SYNPO2: variants seen among roughly 807,000 people sequenced by gnomAD.
SYNPO2 encodes the protein synaptopodin 2.
Under a neutral mutation model 85.0 loss-of-function variants are expected in SYNPO2, and 56 were observed. The ratio of observed to expected loss-of-function variants is 0.66; its 90% CI spans 0.53 to 0.82. The LOEUF is 0.82. Ranked by LOEUF, SYNPO2 falls within the 40% of genes least tolerant of loss-of-function variation. The pLI, the probability that SYNPO2 is intolerant of heterozygous loss-of-function variation, is 0.00. For missense variants in SYNPO2, 1,575 were observed against 1,534.2 expected (o/e 1.03, Z -0.44); for synonymous variants, 602 against 591.1 (o/e 1.02, Z -0.27).
At chr4:118,867,881 C>T (rs75378402) in intron 1 of SYNPO2, among the ~76,000 whole-genome samples, 6,012 of 151,778 alleles carry the variant, frequency 0.04, 163 homozygotes, top group Middle Eastern at 0.23. Context: ...AAGATGAATT[C>T]GGAAAAAATG....
intron 1 of SYNPO2, among the ~76,000 whole-genome samples, chr4:118,934,866 T>C (rs769922842): frequency 6.6e-6 from 1 of 152,224 alleles, no homozygotes; most frequent in Admixed American, 6.5e-5. Context: ...AAAGCCTGTC[T>C]TATATTGAAC....
chr4:119,042,669 G>A (rs1242327895), intron 4 of SYNPO2: 2 of 151,984 alleles, frequency 1.3e-5, no homozygotes, highest in African/African-American at 4.8e-5. Flanking sequence ...CAATATTTTT[G>A]TTTAACTTTA....
chr4:119,031,776 G>C lies in SYNPO2; in HGVS notation c.3001G>C (p.Ala1001Pro), dbSNP rs759739029. 18 of 1,614,046 alleles carry C rather than the reference G, an allele frequency of 1.1e-5. No homozygotes were observed. The highest frequency in any genetic ancestry group is 1.5e-5 in the Non-Finnish European group (18 of 1,180,036). Residue 1001 changes from alanine (A) to proline (P), a missense_variant, in exon 4 of 5, where the codon GCC becomes CCC. By Grantham distance (27) the Ala-to-Pro change is conservative. This residue lies in a region of SYNPO2 where 1,508 missense variants were observed against 1,446.8 expected (regional missense o/e 1.04). Transcript: ENST00000307142. The part of the protein sequence containing the change: ...KSSVKVNSAL[A>P]MKQALPPRPV... ...ATCAGTCAAGGTCAATTCAGCCCTG[G>C]CCATGAAGCAAGCTCTTCCTCCCCG...
chr4:118,906,634 A>G (rs1381928104), intron 1 of SYNPO2, among the ~76,000 whole-genome samples: 2 of 152,086 alleles, frequency 1.3e-5, no homozygotes, highest in South Asian at 4.1e-4. Context: ...TTTATACAGT[A>G]TTGTTTGGGG....
intron 1 of SYNPO2, among the ~76,000 whole-genome samples, chr4:118,978,864 T>C (rs1219158296): frequency 6.6e-6 from 1 of 152,004 alleles, no homozygotes; most frequent in East Asian, 1.9e-4. Flanking sequence ...GCCTGTAACC[T>C]TTTTATGTAT....
intron 4 of SYNPO2, among the ~76,000 whole-genome samples, chr4:119,050,406 A>G (rs1738998145): frequency 6.6e-6 from 1 of 152,136 alleles, no homozygotes; most frequent in Non-Finnish European, 1.5e-5. Context: ...GAACTCTGGT[A>G]TGAGACTGCC....
intron 1 of SYNPO2, among the ~76,000 whole-genome samples, chr4:118,982,375 G>C (rs1182481834): frequency 6.6e-6 from 1 of 152,110 alleles, no homozygotes; most frequent in South Asian, 2.1e-4. Flanking sequence ...TAACCCTCTC[G>C]GATGCACATA....
intron 1 of SYNPO2, among the ~76,000 whole-genome samples, chr4:118,856,016 T>A (rs1731498253): frequency 6.6e-6 from 1 of 152,174 alleles, no homozygotes; most frequent in Non-Finnish European, 1.5e-5. Flanking sequence ...AAAAATTCTT[T>A]GTTTATCTTC....
At chr4:118,877,424 AC>A (rs1456788666) in intron 1 of SYNPO2, among the ~76,000 whole-genome samples, 1 of 152,202 alleles carries the variant, frequency 6.6e-6, no homozygotes, top group Non-Finnish European at 1.5e-5. Flanking sequence ...TAAACAGACA[AC>A]CTACAGAATG....
chr4:118,889,084 C>T lies in SYNPO2; in HGVS notation c.48C>T (p.Pro16=), dbSNP rs777886966. ...FICISMTGGA[P]WGFRLQGGKE... ...GCATTTCCATGACTGGAGGGGCGCC[C>T]TGGGGGTTCAGATTGCAAGGTGGCA... The change falls in exon 1 of 5, where the codon CCC becomes CCT. Residue 16 remains proline (P), a synonymous_variant. Transcript: ENST00000307142. 9 of 1,614,026 alleles carry T rather than the reference C, an allele frequency of 5.6e-6. No individual in the cohort carries two copies. In the South Asian group the frequency reaches 8.8e-5, roughly 16 times the overall value.
intron 1 of SYNPO2, among the ~76,000 whole-genome samples, chr4:118,934,635 T>C (rs1435772101): frequency 6.6e-6 from 1 of 152,140 alleles, no homozygotes; most frequent in Admixed American, 6.6e-5. Flanking sequence ...TTTATGGCTT[T>C]TAGAGTGGTG....
intron 1 of SYNPO2, among the ~76,000 whole-genome samples, chr4:118,851,853 T>G (rs1354003519): frequency 2.0e-5 from 3 of 147,970 alleles, no homozygotes; most frequent in African/African-American, 7.7e-5. Flanking sequence ...TCCACTCTCA[T>G]ACAGGGATGT....
Position 119,030,309 on chromosome 4 carries a change from G to A in SYNPO2, c.1534G>A (p.Asp512Asn), listed in dbSNP as rs148657710. The A allele has an allele frequency of 3.3e-5, 54 of 1,613,926 alleles. No homozygotes were observed. Among genetic ancestry groups the A allele is most frequent in the Non-Finnish European group, 4.3e-5 (51 of 1,180,004 alleles). ...TCAGATCACAGCCCAAAAAGAAGAG[G>A]ACAAGGTAGGTGGAACGCCAAGCAG... ...MDQITAQKEE[D>N]KVGGTPSREQ... The change falls in exon 4 of 5, where the codon GAC (aspartate) becomes AAC (asparagine). Residue 512 changes from aspartate (D) to asparagine (N), a missense_variant. Physicochemically the swap from Asp to Asn is conservative, Grantham distance 23 (BLOSUM62 1). Coordinates refer to ENST00000307142, the MANE Select transcript of SYNPO2 (RefSeq NM_133477.3).
chr4:118,947,792 A>G (rs1182323657), intron 1 of SYNPO2, among the ~76,000 whole-genome samples: 1 of 152,194 alleles, frequency 6.6e-6, no homozygotes, highest in African/African-American at 2.4e-5. Context: ...TTGTGTCTAT[A>G]TAATATGTGT....
Position 118,878,973 on chromosome 4 carries a change from C to T in SYNPO2, c.12+28033C>T, listed in dbSNP as rs151330169. On this transcript the variant is annotated intron_variant, in intron 1 of 4. Transcript: ENST00000610556. The stretch of plus-strand genomic sequence containing the variant: ...CCTCTAAGAGCTGTAACACTCACTG[C>T]GAAGGTCTGTGGCTTCACTCCTGAA... 3.0e-3 allele frequency among the ~76,000 whole-genome samples: 457 copies of T among 152,226 alleles called. 4 individuals are homozygous for T. The highest frequency in any genetic ancestry group is 0.011 in the African/African-American group (444 of 41,528).
chr4:119,005,585 A>G (rs1242492042), intron 1 of SYNPO2, among the ~76,000 whole-genome samples: 7 of 135,866 alleles, frequency 5.2e-5, no homozygotes, highest in East Asian at 2.2e-4. Context: ...CCATTGGTCT[A>G]TATCTCTGTT....
At chr4:118,964,297 AACACACACACAC>A (rs10523074) in intron 1 of SYNPO2, among the ~76,000 whole-genome samples, 54,411 of 140,480 alleles carry the variant, frequency 0.39, 10,331 homozygotes, top group South Asian at 0.49. Context: ...AAACACACAC[AACACACACACAC>A]ACACACACAC....
At chr4:118,995,223 A>G (rs1736543386) in intron 1 of SYNPO2, among the ~76,000 whole-genome samples, 1 of 152,208 alleles carries the variant, frequency 6.6e-6, no homozygotes. Context: ...AAAGTTCTTT[A>G]AACATATGCC....
intron 4 of SYNPO2, among the ~76,000 whole-genome samples, chr4:119,053,231 A>T (rs548109386): frequency 1.3e-5 from 2 of 152,342 alleles, no homozygotes; most frequent in South Asian, 4.1e-4. Flanking sequence ...ACACTGTGAA[A>T]ATTGCTTTGG....
Sources: allele counts gnomAD v4.1 joint callset (sites outside exome capture counted in the v4.1 genomes callset), GRCh38; gene constraint gnomAD v4.1.1; regional missense constraint gnomAD v4.1.1; transcripts MANE v1.5; gene names NCBI Gene and HGNC (gene_info 2026-07-23, HGNC 2026-07-21).